Variants in TMEM87A observed in about 807,000 individuals in gnomAD.
The protein encoded by TMEM87A is transmembrane protein 87A, also known as Golgi-pH regulating cation channel.
Under a neutral mutation model 90.0 loss-of-function variants are expected in TMEM87A, and 50 were observed. That is an observed-to-expected ratio of 0.56 (90% CI 0.44 to 0.70). The LOEUF (loss-of-function observed/expected upper bound fraction) is 0.70, where lower values mean the gene tolerates loss of function less well. TMEM87A is among the 30% of genes least tolerant of loss of function. The pLI is 0.00. For synonymous variants in TMEM87A, 226 were observed against 226.7 expected (o/e 1.00, Z 0.03); for missense variants, 577 against 660.5 (o/e 0.87, Z 1.39).
At position 42,273,429 on chromosome 15, in the gene TMEM87A, A is replaced by T. The variant is rs1315435542; in HGVS notation, c.-31T>A. On this transcript the variant is annotated 5_prime_UTR_variant, in exon 1 of 20. The change abolishes an upstream ATG in the 5' untranslated region. Transcript: ENST00000389834. The stretch of plus-strand genomic sequence containing the variant: ...CAGCCGTGGAGTGCCTACCGAAAGC[A>T]TTTCACCCTCTTCCGGTTCGTCCCG... The T allele has an allele frequency of 6.2e-7, 1 of 1,612,456 alleles. No individual in the cohort carries two copies. The highest frequency in any genetic ancestry group is 8.5e-7 in the Non-Finnish European group (1 of 1,179,488).
intron 6 of TMEM87A, among the ~76,000 whole-genome samples, chr15:42,246,016 A>G (rs2050965388): frequency 6.6e-6 from 1 of 152,180 alleles, no homozygotes; most frequent in South Asian, 2.1e-4. Flanking sequence ...ATTTTCATCA[A>G]CCGAAATGGA....
At chr15:42,252,507 T>C (rs950781060) in intron 6 of TMEM87A, among the ~76,000 whole-genome samples, 1 of 152,210 alleles carries the variant, frequency 6.6e-6, no homozygotes, top group African/African-American at 2.4e-5. Context: ...ATTCATACTT[T>C]CATCAAATTT....
rs10681614 is a variant in TMEM87A, at chr15:42,264,699, A to ATATATATATATTTTTTT, written c.292-497_292-496insAAAAAAATATATATATA. 2.7e-3 allele frequency among the ~76,000 whole-genome samples: 300 copies of ATATATATATATTTTTTT among 109,392 alleles called. 2 individuals carry two copies. The highest frequency in any genetic ancestry group is 8.0e-3 in the African/African-American group (259 of 32,482). 71.8% of individuals were successfully genotyped at this position (109,392 alleles called of 152,430 possible). A position where few individuals can be genotyped will look rare whatever the true frequency, so the allele number is the denominator to read the frequency against. On this transcript the variant is annotated intron_variant, in intron 3 of 19. Coordinates refer to ENST00000389834, the MANE Select transcript of TMEM87A (RefSeq NM_015497.5). ...TATGTGTGTGTATATATATATATATATTTTTTTTTTAACTTTTATTTTAGG... is the reference window on the plus strand; with the variant it reads ...TATGTGTGTGTATATATATATATATATATATATATATTTTTTTTTTTTTTTTTAACTTTTATTTTAGG...
chr15:42,269,707 C>T (rs2051476215), intron 2 of TMEM87A, among the ~76,000 whole-genome samples: 1 of 151,714 alleles, frequency 6.6e-6, no homozygotes, highest in Non-Finnish European at 1.5e-5. Flanking sequence ...GAGGCCGAGG[C>T]GGGTGGATCA....
At chr15:42,219,892 T>C (rs1316828337) in intron 16 of TMEM87A, among the ~76,000 whole-genome samples, 170 bp downstream of exon 16, 2 of 152,182 alleles carry the variant, frequency 1.3e-5, no homozygotes, top group African/African-American at 4.8e-5. Context: ...TAATGTGCAA[T>C]TACTTACTGA....
chr15:42,242,213 G>A (rs12324804), intron 7 of TMEM87A, among the ~76,000 whole-genome samples: 144,796 of 152,260 alleles, frequency 0.95, 69,101 homozygotes, highest in Non-Finnish European at 1. Context: ...TCTTGGGCCA[G>A]AAGCAGGCTA....
chr15:42,217,192 G>A (rs2050398126), intron 19 of TMEM87A, among the ~76,000 whole-genome samples: 2 of 152,012 alleles, frequency 1.3e-5, no homozygotes, highest in South Asian at 4.1e-4. Context: ...GACCTCAACT[G>A]ATCCTCCTGC....
At position 42,256,382 on chromosome 15, in the gene TMEM87A, C is replaced by T. The variant is rs150604447; in HGVS notation, c.504+4576G>A. Reference sequence around the variant, plus strand: ...TCTCAAACCCTGGCTTCAAGTGATTCACCCACCTTGGGCCTTAAAAAGTGC... The same window carrying T: ...TCTCAAACCCTGGCTTCAAGTGATTTACCCACCTTGGGCCTTAAAAAGTGC... On this transcript the variant is annotated intron_variant, in intron 6 of 19. Coordinates refer to ENST00000389834, the MANE Select transcript of TMEM87A (RefSeq NM_015497.5). Among the ~76,000 whole-genome samples the T allele has an allele frequency of 4.7e-3, 720 of 152,314 alleles. 6 individuals carry two copies. Among genetic ancestry groups the T allele is most frequent in the African/African-American group, 0.017 (687 of 41,562 alleles).
chr15:42,262,492 T>C, intron 4 of TMEM87A, among the ~76,000 whole-genome samples: 1 of 146,954 alleles, frequency 6.8e-6, no homozygotes, highest in East Asian at 2.0e-4. Flanking sequence ...CAGGCTGGAG[T>C]GCACTGACAC....
intron 14 of TMEM87A, 150 bp from the exon 15 acceptor site, chr15:42,227,059 G>T: frequency 1.5e-6 from 1 of 681,518 alleles, no homozygotes. Flanking sequence ...TGGTAAGTGT[G>T]GGGAAACAAA....
chr15:42,256,983 G>A (rs1379217906), intron 6 of TMEM87A, among the ~76,000 whole-genome samples: 1 of 152,184 alleles, frequency 6.6e-6, no homozygotes, highest in African/African-American at 2.4e-5. Context: ...CTCCCAAGGT[G>A]CTGGGGTTAC....
At chr15:42,238,622 G>A (rs1370603651) in intron 8 of TMEM87A, among the ~76,000 whole-genome samples, 1 of 151,870 alleles carries the variant, frequency 6.6e-6, no homozygotes. Context: ...AGTGGCACAC[G>A]CCTGTTGTCC....
intron 15 of TMEM87A, among the ~76,000 whole-genome samples, chr15:42,223,280 C>T (rs1346891411): frequency 1.3e-5 from 2 of 152,122 alleles, no homozygotes; most frequent in African/African-American, 4.8e-5. Context: ...GTGGTCCCAG[C>T]TACTCAGGAG....
At chr15:42,223,040 G>A (rs1433962225) in intron 15 of TMEM87A, among the ~76,000 whole-genome samples, 1 of 152,170 alleles carries the variant, frequency 6.6e-6, no homozygotes, top group Non-Finnish European at 1.5e-5. Flanking sequence ...TTAACTGGCA[G>A]AAAATATATG....
chr15:42,243,424 AAAG>A (rs1311843314), intron 7 of TMEM87A, among the ~76,000 whole-genome samples: 1 of 151,824 alleles, frequency 6.6e-6, no homozygotes, highest in Non-Finnish European at 1.5e-5. Flanking sequence ...ATTCCACGTA[AAAG>A]ATGATGACTC....
At position 42,218,359 on chromosome 15, in the gene TMEM87A, C is replaced by G. The variant is rs1264424804; in HGVS notation, c.1559G>C (p.Trp520Ser). The G allele has an allele frequency of 6.2e-7, 1 of 1,613,740 alleles. No homozygotes were observed. Among genetic ancestry groups the G allele is most frequent in the Non-Finnish European group, 8.5e-7 (1 of 1,179,804 alleles). Residue 520 changes from tryptophan (W) to serine (S), a missense_variant, in exon 18 of 20, where the codon TGG (tryptophan) becomes TCG (serine). Transcript: ENST00000389834. ...AGAAGAAGGAACATTCTCTTCTACC[C>G]ACTTCAAATCATCTTCCTGCTGGGA... ...VNKAQEDDLK[W>S]VEENVPSSVT...
At chr15:42,246,459 C>A (rs542298397) in intron 6 of TMEM87A, among the ~76,000 whole-genome samples, 6 of 152,046 alleles carry the variant, frequency 3.9e-5, no homozygotes, top group African/African-American at 1.4e-4. Flanking sequence ...CCCGACCCGA[C>A]GACAGGCCCC....
intron 18 of TMEM87A, 90 bp from the exon 19 acceptor site, chr15:42,217,923 T>A (rs2050409499): frequency 2.3e-6 from 3 of 1,295,094 alleles, no homozygotes; most frequent in African/African-American, 1.5e-5. Flanking sequence ...AATTAAAAGC[T>A]TTATAATTAT....
upstream of TMEM87A, chr15:42,273,465 G>C: frequency 1.9e-6 from 3 of 1,601,086 alleles, no homozygotes; most frequent in Non-Finnish European, 2.6e-6. Flanking sequence ...CCTTCTTCCG[G>C]CTCTGCTCTA....
Sources: gnomAD v4.1 joint callset for allele counts (sites outside exome capture counted in the v4.1 genomes callset) on GRCh38, gnomAD v4.1.1 for gene constraint, MANE v1.5 for transcripts, NCBI Gene and HGNC (gene_info 2026-07-23, HGNC 2026-07-21) for gene names.